Variants in RB1 observed in about 807,000 individuals in gnomAD.
The protein encoded by RB1 is retinoblastoma-associated protein.
A neutral mutation model predicts 135.4 loss-of-function variants in RB1; 18 were observed. That is an observed-to-expected ratio of 0.13 (90% confidence interval 0.09 to 0.20). RB1 has a LOEUF of 0.20. Ranked by LOEUF, RB1 falls within the 10% of genes least tolerant of loss-of-function variation. The pLI is 1.00. For missense variants in RB1, 868 were observed against 1,110.0 expected (o/e 0.78, Z 3.10); for synonymous variants, 365 against 373.2 (o/e 0.98, Z 0.25).
intron 7 of RB1, 148 bp downstream of exon 7, chr13:48,360,275 G>A: frequency 6.8e-7 from 1 of 1,462,296 alleles, no homozygotes; most frequent in African/African-American, 1.4e-5. Flanking sequence ...GTAAGTTATA[G>A]AAGGAAAGAT....
intron 17 of RB1, among the ~76,000 whole-genome samples, chr13:48,441,624 T>C (rs1256577503): frequency 6.6e-6 from 1 of 152,224 alleles, no homozygotes; most frequent in Non-Finnish European, 1.5e-5. Context: ...TTAATAGTGT[T>C]GTTTAATTTT....
chr13:48,405,659 C>A (rs1423813639), intron 17 of RB1, among the ~76,000 whole-genome samples: 4 of 152,188 alleles, frequency 2.6e-5, no homozygotes, highest in Non-Finnish European at 5.9e-5. Context: ...ACTATCTACT[C>A]CTTGAGAAGA....
At chr13:48,414,176 C>T (rs1948867634) in intron 17 of RB1, among the ~76,000 whole-genome samples, 1 of 151,810 alleles carries the variant, frequency 6.6e-6, no homozygotes, top group Non-Finnish European at 1.5e-5. Context: ...GGCGAAACCC[C>T]ATCTCTACCA....
intron 7 of RB1, among the ~76,000 whole-genome samples, chr13:48,362,604 G>A (rs1403503229): frequency 9.9e-5 from 15 of 151,916 alleles, no homozygotes; most frequent in Admixed American, 9.2e-4. Context: ...GTTCTTTTTG[G>A]GAGCAGAGTA....
chr13:48,359,771 A>G (rs962550174), intron 6 of RB1, among the ~76,000 whole-genome samples: 2 of 151,348 alleles, frequency 1.3e-5, no homozygotes, highest in Non-Finnish European at 3.0e-5. Flanking sequence ...ACTTAAATGT[A>G]AAATTCTCAG....
intron 1 of RB1, among the ~76,000 whole-genome samples, chr13:48,306,594 T>C (rs567139729): frequency 1.3e-5 from 2 of 152,326 alleles, no homozygotes; most frequent in South Asian, 4.1e-4. Flanking sequence ...ATGTCTACTT[T>C]TACAGATGAG....
At chr13:48,315,815 A>C (rs982436892) in intron 2 of RB1, among the ~76,000 whole-genome samples, 7 of 152,208 alleles carry the variant, frequency 4.6e-5, no homozygotes, top group Admixed American at 4.6e-4. Context: ...AAACAAGTGC[A>C]GGTTTCTTTT....
chr13:48,351,145 C>T lies in RB1; in HGVS notation c.607+2122C>T, dbSNP rs535235615. On this transcript the variant is annotated intron_variant, in intron 6 of 26. Coordinates refer to ENST00000267163, the MANE Select transcript of RB1 (RefSeq NM_000321.3). ...GGGTAGTTCTGCTTTTAGCTCTTTG[C>T]GGAATTGTCAGACTGCTTTCTACAA... Among the ~76,000 whole-genome samples, 36 of 152,162 alleles carry T rather than the reference C, an allele frequency of 2.4e-4. No homozygotes were observed. The South Asian group carries it at 3.7e-3, about 16-fold the overall frequency.
intron 17 of RB1, among the ~76,000 whole-genome samples, chr13:48,445,711 G>C (rs1949281613): frequency 6.6e-6 from 1 of 152,048 alleles, no homozygotes; most frequent in Admixed American, 6.6e-5. Context: ...TTCTGAATTT[G>C]TCATCACATA....
intron 17 of RB1, among the ~76,000 whole-genome samples, chr13:48,395,529 A>G (rs1176079557): frequency 6.6e-6 from 1 of 152,146 alleles, no homozygotes; most frequent in Non-Finnish European, 1.5e-5. Flanking sequence ...TTAGAGAAGA[A>G]CATAAATGAC....
At chr13:48,320,315 G>C (rs1952223433) in intron 2 of RB1, 3 of 1,239,402 alleles carry the variant, frequency 2.4e-6, no homozygotes, top group Non-Finnish European at 3.5e-6. Flanking sequence ...CTGCGCTGCA[G>C]CGTGCTGATG....
chr13:48,413,539 A>G (rs541259569), intron 17 of RB1, among the ~76,000 whole-genome samples: 3 of 152,338 alleles, frequency 2.0e-5, no homozygotes, highest in Admixed American at 6.5e-5. Flanking sequence ...TTTAATGACT[A>G]TGAAACAGGG....
intron 6 of RB1, among the ~76,000 whole-genome samples, chr13:48,355,472 A>T (rs1180429354): frequency 2.0e-5 from 3 of 152,140 alleles, no homozygotes. Context: ...TGTTGGTGGG[A>T]ATGTAAATTA....
chr13:48,407,476 T>C (rs978367811), intron 17 of RB1, among the ~76,000 whole-genome samples: 1 of 152,186 alleles, frequency 6.6e-6, no homozygotes, highest in African/African-American at 2.4e-5. Flanking sequence ...CTTGTTTAAT[T>C]GACATTCTTT....
intron 2 of RB1, chr13:48,318,583 G>T (rs1265884191): frequency 3.2e-6 from 2 of 631,640 alleles, no homozygotes; most frequent in Non-Finnish European, 5.6e-6. Context: ...GGCAGGTCCC[G>T]CCCCTCATGG....
At chr13:48,322,315 A>G (rs912361728) in intron 2 of RB1, among the ~76,000 whole-genome samples, 2 of 152,160 alleles carry the variant, frequency 1.3e-5, no homozygotes, top group African/African-American at 4.8e-5. Context: ...TGACAGACAC[A>G]TAGGTTGTTT....
chr13:48,352,947 T>C (rs960022614), intron 6 of RB1, among the ~76,000 whole-genome samples: 1 of 152,176 alleles, frequency 6.6e-6, no homozygotes, highest in African/African-American at 2.4e-5. Context: ...TCAAAGGGAA[T>C]GCTTCAAGCT....
At chr13:48,362,550 T>C (rs1952653171) in intron 7 of RB1, among the ~76,000 whole-genome samples, 1 of 152,166 alleles carries the variant, frequency 6.6e-6, no homozygotes, top group Non-Finnish European at 1.5e-5. Context: ...GTTGGCTATT[T>C]CCATGCCTTC....
rs567436733 is a variant in RB1 at position 48,339,740 on chromosome 13, A to G, written c.265-2859A>G. ...ACCTGGTACCTCAGTTGGAAATGCA[A>G]AAATCACCTGTCTTCTGCATCGCTC... On this transcript the variant is annotated intron_variant, in intron 2 of 26. Coordinates refer to ENST00000267163, the MANE Select transcript of RB1 (RefSeq NM_000321.3). Among the ~76,000 whole-genome samples, 7 of 152,314 alleles carry G rather than the reference A, an allele frequency of 4.6e-5. No homozygotes were observed. The East Asian group carries it at 1.2e-3, about 25-fold the overall frequency.
Sources: gnomAD v4.1 joint callset for allele counts (sites outside exome capture counted in the v4.1 genomes callset) on GRCh38, gnomAD v4.1.1 for gene constraint, MANE v1.5 for transcripts, NCBI Gene and HGNC (gene_info 2026-07-23, HGNC 2026-07-21) for gene names.